The following ARHGEF28 variants were observed in gnomAD, a reference collection of about 807,000 sequenced individuals.
The protein encoded by ARHGEF28 is Rho guanine nucleotide exchange factor 28, also known as 190 kDa guanine nucleotide exchange factor.
A neutral mutation model predicts 206.6 loss-of-function variants in ARHGEF28; 152 were observed. The observed-to-expected ratio is 0.74, with a 90% CI of 0.64 to 0.84. The LOEUF is 0.84. Ranked by LOEUF, ARHGEF28 falls within the 40% of genes least tolerant of loss-of-function variation. ARHGEF28 has a pLI of 0.00. For synonymous variants in ARHGEF28, 763 were observed against 776.4 expected (o/e 0.98, Z 0.29); for missense variants, 2,028 against 2,073.2 (o/e 0.98, Z 0.42).
chr5:73,934,619 T>C (rs1342661719), intron 35 of ARHGEF28, among the ~76,000 whole-genome samples: 2 of 152,226 alleles, frequency 1.3e-5, no homozygotes, highest in Non-Finnish European at 2.9e-5. Context: ...TTAATAGACT[T>C]CTAATTCTTG....
intron 35 of ARHGEF28, among the ~76,000 whole-genome samples, chr5:73,921,792 T>C (rs904618167): frequency 6.6e-6 from 1 of 152,196 alleles, no homozygotes; most frequent in African/African-American, 2.4e-5. Context: ...TGAGGCTGTT[T>C]TTAAGGAATG....
At chr5:73,900,826 T>A (rs1762222565) in intron 30 of ARHGEF28, 1 of 183,016 alleles carries the variant, frequency 5.5e-6, no homozygotes, top group African/African-American at 2.3e-5. Context: ...AGCACCTGTT[T>A]TAAATTTCAC....
chr5:73,767,562 G>A (rs1421805779), intron 4 of ARHGEF28, among the ~76,000 whole-genome samples: 2 of 152,228 alleles, frequency 1.3e-5, no homozygotes, highest in East Asian at 3.9e-4. Flanking sequence ...GTGGAATTTT[G>A]AACTTGAGAG....
At chr5:73,845,986 C>CAAAAAAAAA (rs57600570) in intron 11 of ARHGEF28, among the ~76,000 whole-genome samples, 4 of 63,752 alleles carry the variant, frequency 6.3e-5, no homozygotes, top group Admixed American at 1.8e-4. Context: ...AAAACTGTCT[C>CAAAAAAAAA]AAAAAAAAAA....
At chr5:73,737,974 G>T (rs142530080) in intron 2 of ARHGEF28, among the ~76,000 whole-genome samples, 1 of 152,118 alleles carries the variant, frequency 6.6e-6, no homozygotes. Flanking sequence ...CTTTTGCTTC[G>T]ATTTGAGGAG....
intron 1 of ARHGEF28, among the ~76,000 whole-genome samples, chr5:73,665,072 C>T (rs998377242): frequency 3.3e-5 from 5 of 152,156 alleles, no homozygotes; most frequent in African/African-American, 1.2e-4. Flanking sequence ...TGCTTTCACT[C>T]AGCCTCTCAG....
At chr5:73,864,265 C>T (rs545311716) in intron 16 of ARHGEF28, among the ~76,000 whole-genome samples, 1 of 152,234 alleles carries the variant, frequency 6.6e-6, no homozygotes, top group East Asian at 1.9e-4. Flanking sequence ...TGACATGTGC[C>T]CATTGTTTAT....
intron 3 of ARHGEF28, among the ~76,000 whole-genome samples, chr5:73,752,188 G>A (rs1349167203): frequency 6.6e-6 from 1 of 152,178 alleles, no homozygotes; most frequent in Non-Finnish European, 1.5e-5. Flanking sequence ...GCATAAAAAT[G>A]TACCTGGGTA....
intron 9 of ARHGEF28, among the ~76,000 whole-genome samples, chr5:73,810,340 T>A (rs193102635): frequency 6.6e-6 from 1 of 152,346 alleles, no homozygotes; most frequent in East Asian, 1.9e-4. Context: ...TTCAGAATAA[T>A]TTTGACATCA....
intron 2 of ARHGEF28, among the ~76,000 whole-genome samples, chr5:73,723,282 G>C (rs955455056): frequency 6.6e-6 from 1 of 152,134 alleles, no homozygotes; most frequent in African/African-American, 2.4e-5. Flanking sequence ...TCTGCCTCCC[G>C]GGTTCAAGCA....
intron 35 of ARHGEF28, among the ~76,000 whole-genome samples, chr5:73,931,967 TG>T (rs1476774570): frequency 1.3e-5 from 2 of 152,230 alleles, no homozygotes; most frequent in Non-Finnish European, 2.9e-5. Context: ...TTCCACAGCC[TG>T]GCTGTTTACA....
Position 73,857,681 on chromosome 5 carries a change from T to C in ARHGEF28, c.1816T>C (p.Tyr606His). Reference sequence around the variant, plus strand: ...AATTCAGGAAGAAGAATGGGATAAATACATCATACCTGCCAAATCAGAGTC... The same window carrying C: ...AATTCAGGAAGAAGAATGGGATAAACACATCATACCTGCCAAATCAGAGTC... The part of the protein sequence containing the change: ...NRIQEEEWDK[Y>H]IIPAKSESEK... Residue 606 changes from tyrosine to histidine, a missense_variant, in exon 15 of 36, where the codon TAC (tyrosine) becomes CAC (histidine). Physicochemically the swap from Tyr to His is moderately conservative, Grantham distance 83 (BLOSUM62 2). Around this residue, in one of 3 missense-constraint regions of ARHGEF28, gnomAD observed 1,002 missense variants for 1,015.3 expected, o/e 0.99. Transcript: ENST00000513042. 1 of 1,592,386 alleles carries C rather than the reference T, an allele frequency of 6.3e-7. No homozygotes were observed. The highest frequency in any genetic ancestry group is 8.6e-7 in the Non-Finnish European group (1 of 1,168,188).
intron 35 of ARHGEF28, among the ~76,000 whole-genome samples, chr5:73,914,179 C>T (rs1391438006): frequency 6.6e-6 from 1 of 152,112 alleles, no homozygotes; most frequent in Non-Finnish European, 1.5e-5. Flanking sequence ...AAATTTCAGG[C>T]ACTGTGCTAA....
At chr5:73,880,666 C>T (rs1192849242) in intron 22 of ARHGEF28, among the ~76,000 whole-genome samples, 1 of 152,222 alleles carries the variant, frequency 6.6e-6, no homozygotes, top group Non-Finnish European at 1.5e-5. Flanking sequence ...GGCATGGTGG[C>T]TCACGCCTGT....
At chr5:73,895,651 G>GACTACACACATCCCACAACCTGCTT (rs1222128930) in intron 29 of ARHGEF28, among the ~76,000 whole-genome samples, 4 of 152,018 alleles carry the variant, frequency 2.6e-5, no homozygotes, top group Admixed American at 2.6e-4. Context: ...ACAGACCACG[G>GACTACACACATCCCACAACCTGCTT]ACTACACACA....
chr5:73,870,264 A>G (rs1760016999), intron 21 of ARHGEF28, 55 bp downstream of exon 21: 3 of 1,553,120 alleles, frequency 1.9e-6, no homozygotes, highest in Non-Finnish European at 2.6e-6. Flanking sequence ...AGAGAAAAGA[A>G]CATGGAATTT....
At chr5:73,823,975 G>T (rs188272056) in intron 9 of ARHGEF28, among the ~76,000 whole-genome samples, 1 of 152,332 alleles carries the variant, frequency 6.6e-6, no homozygotes, top group Non-Finnish European at 1.5e-5. Context: ...CCATAGTTAT[G>T]TTAGCTACAA....
At chr5:73,751,903 G>A (rs1361767356) in intron 3 of ARHGEF28, among the ~76,000 whole-genome samples, 2 of 152,046 alleles carry the variant, frequency 1.3e-5, no homozygotes, top group Non-Finnish European at 2.9e-5. Context: ...CCCGTACCAT[G>A]AGACCACTTT....
At chr5:73,713,640 G>GT (rs989809153) in intron 2 of ARHGEF28, among the ~76,000 whole-genome samples, 13 of 152,136 alleles carry the variant, frequency 8.5e-5, no homozygotes, top group East Asian at 1.9e-4. Context: ...ACAGAAACAT[G>GT]TTTTTTTGGT....
Sources: gnomAD v4.1 joint callset for allele counts (sites outside exome capture counted in the v4.1 genomes callset) on GRCh38, gnomAD v4.1.1 for gene constraint, gnomAD v4.1.1 regional missense constraint, MANE v1.5 for transcripts, NCBI Gene and HGNC (gene_info 2026-07-23, HGNC 2026-07-21) for gene names.